The following BCAS3 variants were observed in gnomAD, a reference collection of about 807,000 sequenced individuals.
BCAS3 encodes BCAS3 microtubule associated cell migration factor.
Under a neutral mutation model 116.1 loss-of-function variants are expected in BCAS3, and 53 were observed. The ratio of observed to expected loss-of-function variants is 0.46; its 90% CI spans 0.37 to 0.57. BCAS3 has a LOEUF of 0.57. Among genes scored for constraint, BCAS3 ranks in the 20% least tolerant of loss-of-function variants. The probability of loss-of-function intolerance (pLI) is 0.00; values close to 1 mark genes in which losing one functional copy is unlikely to be tolerated. For missense variants in BCAS3, 917 were observed against 1,165.4 expected (o/e 0.79, Z 3.10); for synonymous variants, 391 against 408.2 (o/e 0.96, Z 0.51).
At chr17:60,975,005 T>G (rs2062225874) in intron 14 of BCAS3, among the ~76,000 whole-genome samples, 2 of 149,976 alleles carry the variant, frequency 1.3e-5, no homozygotes, top group African/African-American at 5.0e-5. Context: ...TTTTGTTTTT[T>G]TTTTTTTGAG....
chr17:60,745,462 T>A (rs2041945420), intron 5 of BCAS3, among the ~76,000 whole-genome samples: 1 of 152,038 alleles, frequency 6.6e-6, no homozygotes, highest in Non-Finnish European at 1.5e-5. Context: ...CCTTTTAGCA[T>A]ATATATGCTT....
rs1335010355 is a variant in BCAS3 at position 61,104,654 on chromosome 17, C to G, written c.2425+20090C>G. On this transcript the variant is annotated intron_variant, in intron 22 of 23. Coordinates refer to ENST00000407086, the MANE Select transcript of BCAS3 (RefSeq NM_017679.5). This position sits in a 1 kb window ranked among gnomAD's most constrained non-coding sequence, Gnocchi z 4.1. Reference sequence around the variant, plus strand: ...TATTACATGTCACCCTGTGAAAGATCCTCTGCGTTACCCCATCAATTCTGC... The same window carrying G: ...TATTACATGTCACCCTGTGAAAGATGCTCTGCGTTACCCCATCAATTCTGC... 6.6e-6 allele frequency among the ~76,000 whole-genome samples: 1 copy of G among 152,148 alleles called. No homozygotes were observed. Among genetic ancestry groups the G allele is most frequent in the Non-Finnish European group, 1.5e-5 (1 of 68,038 alleles).
chr17:61,043,445 T>C (rs2067710777), intron 19 of BCAS3, among the ~76,000 whole-genome samples: 1 of 152,060 alleles, frequency 6.6e-6, no homozygotes, highest in South Asian at 2.1e-4. Flanking sequence ...AGCAGGTCCT[T>C]GAATGATGTC....
chr17:60,877,061 T>G (rs1366653948), intron 9 of BCAS3, among the ~76,000 whole-genome samples: 1 of 152,096 alleles, frequency 6.6e-6, no homozygotes, highest in East Asian at 1.9e-4. Context: ...GAAAATGTAG[T>G]GCTTCTCTGT....
Position 61,281,849 on chromosome 17 carries a change from T to A in BCAS3, c.2426-86478T>A, listed in dbSNP as rs1284078888. On this transcript the variant is annotated intron_variant, in intron 22 of 23. Transcript: ENST00000407086. This position sits in a 1 kb window ranked among gnomAD's most constrained non-coding sequence, Gnocchi z 4.2. ...ATTAAGTATAGCTTTCTCATTTCTC[T>A]GTTTTTAAAAAAAATTCTTCGTTTT... 6.6e-6 allele frequency among the ~76,000 whole-genome samples: 1 copy of A among 152,166 alleles called. No individual in the cohort carries two copies. The highest frequency in any genetic ancestry group is 2.4e-5 in the African/African-American group (1 of 41,444).
intron 2 of BCAS3, among the ~76,000 whole-genome samples, chr17:60,681,543 AT>A (rs1234001922): frequency 6.6e-6 from 1 of 150,568 alleles, no homozygotes; most frequent in African/African-American, 2.4e-5. Flanking sequence ...ATATGTATAT[AT>A]ATTATTCTTT....
At chr17:61,357,908 T>C (rs1054130805) in intron 22 of BCAS3, among the ~76,000 whole-genome samples, 22 of 151,754 alleles carry the variant, frequency 1.4e-4, no homozygotes, top group African/African-American at 5.1e-4. Context: ...GGCCAACATG[T>C]TGAAACCTCA....
intron 9 of BCAS3, among the ~76,000 whole-genome samples, chr17:60,889,025 A>G (rs2144996610): frequency 6.6e-6 from 1 of 152,328 alleles, no homozygotes; most frequent in African/African-American, 2.4e-5. Context: ...CCGATTCTTC[A>G]ATTTACACAT....
rs187235726 is a variant in BCAS3, at chr17:61,302,472, A to G, written c.2426-65855A>G. On this transcript the variant is annotated intron_variant, in intron 22 of 23. Transcript: ENST00000407086. This position sits in a 1 kb window ranked among gnomAD's most constrained non-coding sequence, Gnocchi z 4.4. ...CATTTTTAGATTCTTGAGGAATGAA[A>G]TATCCTCTTTATTATGAATTAAGAA... Among the ~76,000 whole-genome samples, 44 of 152,282 alleles carry G rather than the reference A, an allele frequency of 2.9e-4. No individual in the cohort carries two copies. The East Asian group carries it at 7.7e-3, about 27-fold the overall frequency.
In BCAS3 at chr17:61,126,737, T is replaced by A. The variant is rs1288307631; in HGVS notation, c.2425+42173T>A. Among the ~76,000 whole-genome samples the A allele has an allele frequency of 6.6e-6, 1 of 152,182 alleles. No homozygotes were observed. The highest frequency in any genetic ancestry group is 2.4e-5 in the African/African-American group (1 of 41,446). ...TGCATCCGGAAAAATGTTTATGTAG[T>A]GTTTTTCAAATGACTGATTATTCTT... On this transcript the variant is annotated intron_variant, in intron 22 of 23. Coordinates refer to ENST00000407086, the MANE Select transcript of BCAS3 (RefSeq NM_017679.5). The surrounding 1 kb of genome is among the most constrained non-coding windows in gnomAD (Gnocchi z 4.6).
At chr17:60,781,071 C>T (rs1322564188) in intron 6 of BCAS3, among the ~76,000 whole-genome samples, 3 of 151,792 alleles carry the variant, frequency 2.0e-5, no homozygotes, top group East Asian at 2.0e-4. Context: ...TGGGTTCAAG[C>T]GATTCTTGTG....
chr17:61,184,721 T>TG (rs1463649806), intron 22 of BCAS3, among the ~76,000 whole-genome samples: 1 of 152,158 alleles, frequency 6.6e-6, no homozygotes, highest in African/African-American at 2.4e-5. Context: ...GTTCATCAAC[T>TG]GGCGAAGGGA....
chr17:61,187,007 GC>G (rs1401041414), intron 22 of BCAS3, among the ~76,000 whole-genome samples: 1 of 152,174 alleles, frequency 6.6e-6, no homozygotes, highest in Non-Finnish European at 1.5e-5. Context: ...ACTGCGCCCA[GC>G]CAACAGTTTC....
At chr17:60,745,265 AT>A (rs1388941999) in intron 5 of BCAS3, among the ~76,000 whole-genome samples, 2 of 151,744 alleles carry the variant, frequency 1.3e-5, no homozygotes, top group African/African-American at 4.8e-5. Context: ...TTTAAAATAT[AT>A]TTTTTATTTT....
At chr17:61,121,222 A>T (rs1421891973) in intron 22 of BCAS3, among the ~76,000 whole-genome samples, 2 of 152,098 alleles carry the variant, frequency 1.3e-5, no homozygotes, top group African/African-American at 4.8e-5. Context: ...AGAGAGAGCT[A>T]GAGATGTAGA....
rs1259001312 is a variant in BCAS3, at chr17:61,337,733, C to T, written c.2426-30594C>T. Among the ~76,000 whole-genome samples the T allele has an allele frequency of 3.9e-5, 6 of 152,136 alleles. No individual in the cohort carries two copies. In the East Asian group the frequency reaches 5.8e-4, roughly 15 times the overall value. ...GGTCGTTTCTGATCTACTCCCTCTC[C>T]TCTAGCCTTAAAGTGTCCACTAGGT... On this transcript the variant is annotated intron_variant, in intron 22 of 23. Coordinates refer to ENST00000407086, the MANE Select transcript of BCAS3 (RefSeq NM_017679.5). The surrounding 1 kb of genome is among the most constrained non-coding windows in gnomAD (Gnocchi z 4.8).
At position 61,141,361 on chromosome 17, in the gene BCAS3, C is replaced by A. The variant is rs1163654410; in HGVS notation, c.2425+56797C>A. 2.0e-5 allele frequency among the ~76,000 whole-genome samples: 3 copies of A among 151,878 alleles called. No individual in the cohort carries two copies. Among genetic ancestry groups the A allele is most frequent in the Non-Finnish European group, 4.4e-5 (3 of 67,962 alleles). ...CCGCTTGAGACCAGGAATTTGAGAC[C>A]AGTCTGGGCAACATACCAAGACTCT... On this transcript the variant is annotated intron_variant, in intron 22 of 23. Coordinates refer to ENST00000407086, the MANE Select transcript of BCAS3 (RefSeq NM_017679.5). The surrounding 1 kb of genome is among the most constrained non-coding windows in gnomAD (Gnocchi z 4.3).
intron 16 of BCAS3, among the ~76,000 whole-genome samples, chr17:61,025,752 C>T (rs1007913964): frequency 2.0e-5 from 3 of 152,046 alleles, no homozygotes; most frequent in Non-Finnish European, 2.9e-5. Context: ...ATTTTTCCTT[C>T]TACCTCACTT....
At chr17:61,271,312 A>G (rs1449145050) in intron 22 of BCAS3, among the ~76,000 whole-genome samples, 96 of 138,312 alleles carry the variant, frequency 6.9e-4, no homozygotes, top group Middle Eastern at 5.0e-3. Context: ...TATTTTTAGT[A>G]GAGATGGGTT....
Sources: allele counts gnomAD v4.1 joint callset (sites outside exome capture counted in the v4.1 genomes callset), GRCh38; gene constraint gnomAD v4.1.1; non-coding constraint Gnocchi (gnomAD v3.1); transcripts MANE v1.5; gene names NCBI Gene and HGNC (gene_info 2026-07-23, HGNC 2026-07-21).